Variants in HHLA2 observed in about 807,000 individuals in gnomAD.
The protein encoded by HHLA2 is HHLA2 member of B7 family.
Under a neutral mutation model 45.9 loss-of-function variants are expected in HHLA2, and 48 were observed. The ratio of observed to expected loss-of-function variants is 1.05; its 90% confidence interval spans 0.83 to 1.33. The LOEUF (loss-of-function observed/expected upper bound fraction) is 1.33. HHLA2 is among the 40% of genes most tolerant of loss of function. The probability of loss-of-function intolerance (pLI) is 0.00; values close to 1 mark genes in which losing one functional copy is unlikely to be tolerated. For synonymous variants in HHLA2, 161 were observed against 173.9 expected (o/e 0.93, Z 0.59); for missense variants, 462 against 494.3 (o/e 0.93, Z 0.62).
chr3:108,306,593 G>A (rs1199153574), intron 1 of HHLA2, among the ~76,000 whole-genome samples: 1 of 152,126 alleles, frequency 6.6e-6, no homozygotes, highest in Non-Finnish European at 1.5e-5. Context: ...TTGTGTGTAT[G>A]TCAGTTAAGG....
intron 3 of HHLA2, among the ~76,000 whole-genome samples, chr3:108,344,766 C>A (rs905889679): frequency 6.6e-6 from 1 of 152,190 alleles, no homozygotes; most frequent in African/African-American, 2.4e-5. Context: ...CGTGTTAACC[C>A]TGGCAATTTC....
At chr3:108,313,494 C>T (rs2081053773) in intron 2 of HHLA2, among the ~76,000 whole-genome samples, 1 of 152,194 alleles carries the variant, frequency 6.6e-6, no homozygotes, top group South Asian at 2.1e-4. Flanking sequence ...TACCTCCTCT[C>T]TTTCTGGGTT....
intron 5 of HHLA2, among the ~76,000 whole-genome samples, chr3:108,354,128 A>T (rs6793841): frequency 1.1e-4 from 17 of 151,940 alleles, no homozygotes; most frequent in African/African-American, 3.9e-4. Flanking sequence ...TAGTCTTATC[A>T]GTACCAAATA....
At chr3:108,367,726 A>T (rs1415848170) in intron 8 of HHLA2, among the ~76,000 whole-genome samples, 2 of 152,096 alleles carry the variant, frequency 1.3e-5, no homozygotes, top group Admixed American at 6.6e-5. Context: ...CAAACCGGTG[A>T]TTGATTGGGG....
intron 8 of HHLA2, among the ~76,000 whole-genome samples, chr3:108,371,662 C>G (rs1474819977): frequency 6.6e-6 from 1 of 152,120 alleles, no homozygotes; most frequent in African/African-American, 2.4e-5. Flanking sequence ...CAAAAAAATG[C>G]AGGAGTTGCA....
At position 108,355,431 on chromosome 3, in the gene HHLA2, G is replaced by T. The variant is rs114161211; in HGVS notation, c.685+50G>T. 749 of 1,553,978 alleles carry T rather than the reference G, an allele frequency of 4.8e-4. 3 individuals are homozygous for T. The African/African-American group carries it at 8.7e-3, about 18-fold the overall frequency. ...TACACGTGCTGTTTCAAAGTTGGGG[G>T]GTAATGGGGACTGATTTGCAAAAAA... On this transcript the variant is annotated intron_variant, in intron 6 of 10. Transcript: ENST00000619531.
At chr3:108,311,333 G>T (rs757474655) in intron 2 of HHLA2, among the ~76,000 whole-genome samples, 7 of 152,122 alleles carry the variant, frequency 4.6e-5, no homozygotes, top group African/African-American at 9.7e-5. Flanking sequence ...TATGTTTAAT[G>T]CTTACTTATG....
At chr3:108,325,622 T>G (rs1393642518) in intron 2 of HHLA2, 3 of 242,652 alleles carry the variant, frequency 1.2e-5, no homozygotes, top group African/African-American at 2.3e-5. Flanking sequence ...CAAAGTTCCC[T>G]CCCTTCGTAG....
intron 3 of HHLA2, among the ~76,000 whole-genome samples, chr3:108,338,446 G>A (rs2081511228): frequency 6.6e-6 from 1 of 151,930 alleles, no homozygotes; most frequent in Non-Finnish European, 1.5e-5. Context: ...ACCAAGTTAT[G>A]AGGACATGCT....
In HHLA2 at chr3:108,334,360, T is replaced by C. The variant is rs748851371; in HGVS notation, c.-27+6013T>C. Among the ~76,000 whole-genome samples, 5 of 152,334 alleles carry C rather than the reference T, an allele frequency of 3.3e-5. No homozygotes were observed. The East Asian group carries it at 9.6e-4, about 29-fold the overall frequency. On this transcript the variant is annotated intron_variant, in intron 3 of 10. Coordinates refer to ENST00000619531, the Ensembl canonical transcript of HHLA2. Reference sequence around the variant, plus strand: ...TTGCCCAAGTGTCATCAGTGCTGTATCAATGCTGAGAAACTAGATGGGAAT... The same window carrying C: ...TTGCCCAAGTGTCATCAGTGCTGTACCAATGCTGAGAAACTAGATGGGAAT...
intron 3 of HHLA2, among the ~76,000 whole-genome samples, chr3:108,344,967 G>A (rs1203990329): frequency 1.3e-5 from 2 of 152,218 alleles, no homozygotes; most frequent in African/African-American, 2.4e-5. Flanking sequence ...GGAAGCAGGA[G>A]TAGTTCCCTG....
At chr3:108,328,367 A>G in intron 3 of HHLA2, 5 of 1,490,602 alleles carry the variant, frequency 3.4e-6, no homozygotes, top group African/African-American at 1.4e-5. Flanking sequence ...GAGATATACA[A>G]TGAGGTTCCA....
intron 4 of HHLA2, among the ~76,000 whole-genome samples, chr3:108,352,953 A>G (rs998519513): frequency 2.6e-5 from 4 of 152,308 alleles, no homozygotes; most frequent in Non-Finnish European, 5.9e-5. Flanking sequence ...ATTGTCTTCT[A>G]TGTGCTCCAA....
At chr3:108,350,321 G>A (rs539320230) in intron 3 of HHLA2, among the ~76,000 whole-genome samples, 2 of 151,956 alleles carry the variant, frequency 1.3e-5, no homozygotes, top group African/African-American at 4.8e-5. Context: ...ATATTTTGTT[G>A]CTTTTTCCAT....
At position 108,377,608 on chromosome 3, in the gene HHLA2, A is replaced by G. The variant is rs1290565290; in HGVS notation, c.*330A>G. Reference sequence around the variant, plus strand: ...GTGAGCTCTCCACTAAGAATCTGGAAGAAATGCATCACTAGGGGTTGATTC... The same window carrying G: ...GTGAGCTCTCCACTAAGAATCTGGAGGAAATGCATCACTAGGGGTTGATTC... On this transcript the variant is annotated 3_prime_UTR_variant, in exon 11 of 11. Transcript: ENST00000619531. 3 of 241,612 alleles carry G rather than the reference A, an allele frequency of 1.2e-5. No homozygotes were observed. The East Asian group carries it at 2.2e-4, about 18-fold the overall frequency. The allele number at this position is 241,612 out of a possible 1,614,324, so 15.0% of individuals were successfully genotyped here.
chr3:108,325,258 C>A (rs1194701648), intron 2 of HHLA2, among the ~76,000 whole-genome samples: 1 of 152,104 alleles, frequency 6.6e-6, no homozygotes, highest in Non-Finnish European at 1.5e-5. Flanking sequence ...TGTTAAAACC[C>A]TTTGATGGAA....
intron 2 of HHLA2, among the ~76,000 whole-genome samples, chr3:108,327,531 T>A (rs2081307446): frequency 6.6e-6 from 1 of 152,220 alleles, no homozygotes; most frequent in Non-Finnish European, 1.5e-5. Context: ...AATACTTTCT[T>A]ACAGATCAAT....
intron 8 of HHLA2, among the ~76,000 whole-genome samples, chr3:108,364,577 C>T (rs1486028993): frequency 6.6e-6 from 1 of 152,206 alleles, no homozygotes; most frequent in African/African-American, 2.4e-5. Flanking sequence ...ACACTGTCTT[C>T]CACAATGGTT....
chr3:108,299,401 T>G (rs1485386093), intron 1 of HHLA2, among the ~76,000 whole-genome samples: 1 of 150,334 alleles, frequency 6.7e-6, no homozygotes, highest in South Asian at 2.1e-4. Context: ...ACATATTTAT[T>G]ATAGATAATA....
Sources: gnomAD v4.1 joint callset for allele counts (sites outside exome capture counted in the v4.1 genomes callset) on GRCh38, gnomAD v4.1.1 for gene constraint, MANE v1.5 for transcripts, NCBI Gene and HGNC (gene_info 2026-07-23, HGNC 2026-07-21) for gene names.